The following CRMP1 variants were observed in gnomAD, a reference collection of about 807,000 sequenced individuals.
CRMP1 encodes the protein dihydropyrimidinase-related protein 1.
Under a neutral mutation model 68.3 loss-of-function variants are expected in CRMP1, and 19 were observed. The ratio of observed to expected loss-of-function variants is 0.28; its 90% confidence interval spans 0.19 to 0.41. The LOEUF is 0.41. Among genes scored for constraint, CRMP1 ranks in the 10% least tolerant of loss-of-function variants. The pLI is 1.00. For missense variants in CRMP1, 791 were observed against 967.4 expected, an observed-to-expected ratio of 0.82 and a Z score of 2.42; for synonymous variants, 439 against 399.6, an observed-to-expected ratio of 1.10 and a Z score of -1.18.
At chr4:5,852,650 T>A (rs774358030) in intron 4 of CRMP1, among the ~76,000 whole-genome samples, 1 of 152,244 alleles carries the variant, frequency 6.6e-6, no homozygotes, top group Non-Finnish European at 1.5e-5. Context: ...TGATATTGGA[T>A]GCAACTCTCT....
In CRMP1 at chr4:5,853,231, G is replaced by A. The variant is rs950925396; in HGVS notation, c.821-1762C>T. 1.3e-5 allele frequency among the ~76,000 whole-genome samples: 2 copies of A among 152,186 alleles called. No individual in the cohort carries two copies. The highest frequency in any genetic ancestry group is 6.5e-5 in the Admixed American group (1 of 15,276). Reference sequence around the variant, plus strand: ...AGTTCAGGACCAGCCTGGCCAATATGGTGATACCCCGTCTCTACTAAAAAT... The same window carrying A: ...AGTTCAGGACCAGCCTGGCCAATATAGTGATACCCCGTCTCTACTAAAAAT... On this transcript the variant is annotated intron_variant, in intron 4 of 13. Coordinates refer to ENST00000324989, the MANE Select transcript of CRMP1 (RefSeq NM_001014809.3). This position sits in a 1 kb window ranked among gnomAD's most constrained non-coding sequence, Gnocchi z 4.7.
intron 11 of CRMP1, among the ~76,000 whole-genome samples, chr4:5,832,851 A>G (rs566361735): frequency 1.3e-5 from 2 of 152,324 alleles, no homozygotes; most frequent in East Asian, 3.9e-4. Context: ...CCTAACCCCC[A>G]TTACCTCAGA....
intron 4 of CRMP1, among the ~76,000 whole-genome samples, chr4:5,852,976 G>A (rs1712776046): frequency 6.6e-6 from 1 of 152,106 alleles, no homozygotes. Flanking sequence ...GGAAACGGAG[G>A]TGCAGGGGGC....
intron 3 of CRMP1, among the ~76,000 whole-genome samples, chr4:5,856,774 CATT>C (rs968553778): frequency 1.9e-4 from 29 of 151,370 alleles, no homozygotes; most frequent in Non-Finnish European, 3.4e-4. Context: ...CTATCATCAT[CATT>C]ACCATCAGCA....
Position 5,872,515 on chromosome 4 carries a change from C to T in CRMP1, c.382-5759G>A, listed in dbSNP as rs569924656. Among the ~76,000 whole-genome samples, 1 of 152,018 alleles carries T rather than the reference C, an allele frequency of 6.6e-6. No individual in the cohort carries two copies. The highest frequency in any genetic ancestry group is 2.4e-5 in the African/African-American group (1 of 41,382). Reference sequence around the variant, plus strand: ...CAGCCTGGCCAACATGGTGAAACCCCGTCTCTACTAAAAATGCAAAAATTA... The same window carrying T: ...CAGCCTGGCCAACATGGTGAAACCCTGTCTCTACTAAAAATGCAAAAATTA... On this transcript the variant is annotated intron_variant, in intron 1 of 13. Coordinates refer to ENST00000324989, the MANE Select transcript of CRMP1 (RefSeq NM_001014809.3). This position sits in a 1 kb window ranked among gnomAD's most constrained non-coding sequence, Gnocchi z 4.6.
rs980786205 is a variant in CRMP1 at position 5,858,401 on chromosome 4, C to T, written c.656-2094G>A. Among the ~76,000 whole-genome samples the T allele has an allele frequency of 6.6e-6, 1 of 152,012 alleles. No individual in the cohort carries two copies. The highest frequency in any genetic ancestry group is 2.4e-5 in the African/African-American group (1 of 41,350). ...AGAATGTCCAAAACCTCATGCAATA[C>T]TCTCCCCACCCCGACCCCAGCTGTG... On this transcript the variant is annotated intron_variant, in intron 3 of 13. Transcript: ENST00000324989. The surrounding 1 kb of genome is among the most constrained non-coding windows in gnomAD (Gnocchi z 5.5).
rs1297019522 is a variant in CRMP1, at chr4:5,890,384, G to A, written c.381+2205C>T. Among the ~76,000 whole-genome samples, 1 of 152,192 alleles carries A rather than the reference G, an allele frequency of 6.6e-6. No homozygotes were observed. Among genetic ancestry groups the A allele is most frequent in the African/African-American group, 2.4e-5 (1 of 41,452 alleles). On this transcript the variant is annotated intron_variant, in intron 1 of 13. Transcript: ENST00000324989. This position sits in a 1 kb window ranked among gnomAD's most constrained non-coding sequence, Gnocchi z 5.5. ...CAGCGGCAATCCTTGCGCCTGCGCC[G>A]CAGAAACCCCTCCTGCAGCCCAGGG...
chr4:5,827,744 C>CACACACACACACACAT (rs1437854770), intron 12 of CRMP1, among the ~76,000 whole-genome samples: 3 of 148,072 alleles, frequency 2.0e-5, no homozygotes, highest in African/African-American at 7.8e-5. Context: ...CACACACACA[C>CACACACACACACACAT]ACACACACAC....
In CRMP1 at chr4:5,851,928, GA is replaced by G. The variant is rs1362579348; in HGVS notation, c.821-460del. Reference sequence around the variant, plus strand: ...AGGAGAAAGAGAAGGAGAAGAGGAAGAGGAGGAAGAGGAGGAGAAAGGGAGA... The same window carrying G: ...AGGAGAAAGAGAAGGAGAAGAGGAAGGGAGGAAGAGGAGGAGAAAGGGAGA... On this transcript the variant is annotated intron_variant, in intron 4 of 13. Coordinates refer to ENST00000324989, the MANE Select transcript of CRMP1 (RefSeq NM_001014809.3). Among the ~76,000 whole-genome samples the G allele has an allele frequency of 1.2e-4, 16 of 137,402 alleles. No individual in the cohort carries two copies. The Admixed American group carries it at 1.2e-3, about 10-fold the overall frequency. The allele number at this position is 137,402 out of a possible 152,430, so 90.1% of individuals were successfully genotyped here. A position where few individuals can be genotyped will look rare whatever the true frequency, so the allele number is the denominator to read the frequency against.
At chr4:5,856,534 C>A (rs1713073966) in intron 3 of CRMP1, among the ~76,000 whole-genome samples, 1 of 151,392 alleles carries the variant, frequency 6.6e-6, no homozygotes, top group African/African-American at 2.4e-5. Flanking sequence ...ATTACCATCA[C>A]CATCATCATC....
rs1165295065 is a variant in CRMP1 at position 5,872,646 on chromosome 4, C to T, written c.382-5890G>A. Among the ~76,000 whole-genome samples the T allele has an allele frequency of 6.6e-6, 1 of 152,160 alleles. No individual in the cohort carries two copies. The highest frequency in any genetic ancestry group is 1.5e-5 in the Non-Finnish European group (1 of 68,044). ...AGGTTGCAGTGAGCTGAGATCGCAC[C>T]GCTGCAGTCCAGCCTGGGCAACAGA... On this transcript the variant is annotated intron_variant, in intron 1 of 13. Coordinates refer to ENST00000324989, the MANE Select transcript of CRMP1 (RefSeq NM_001014809.3). The surrounding 1 kb of genome is among the most constrained non-coding windows in gnomAD (Gnocchi z 4.6).
Position 5,841,831 on chromosome 4 carries a change from G to T in CRMP1, c.1033-403C>A, listed in dbSNP as rs1711749488. ...TGTCCCCTGTGTCCAGCAGACACCAGGCCCAGGGCATGGGCCCAGAAGACT... is the reference window on the plus strand; with the variant it reads ...TGTCCCCTGTGTCCAGCAGACACCATGCCCAGGGCATGGGCCCAGAAGACT... On this transcript the variant is annotated intron_variant, in intron 7 of 13. Coordinates refer to ENST00000324989, the MANE Select transcript of CRMP1 (RefSeq NM_001014809.3). This position sits in a 1 kb window ranked among gnomAD's most constrained non-coding sequence, Gnocchi z 6.9. Among the ~76,000 whole-genome samples, 5 of 152,172 alleles carry T rather than the reference G, an allele frequency of 3.3e-5. No homozygotes were observed. In the South Asian group the frequency reaches 1.0e-3, roughly 31 times the overall value.
At chr4:5,856,747 C>T (rs1713095431) in intron 3 of CRMP1, among the ~76,000 whole-genome samples, 1 of 151,924 alleles carries the variant, frequency 6.6e-6, no homozygotes, top group African/African-American at 2.4e-5. Flanking sequence ...TCACTATCAT[C>T]ACCTCCACCA....
Position 5,860,626 on chromosome 4 carries a change from A to G in CRMP1, c.655+400T>C, listed in dbSNP as rs372394118. The stretch of plus-strand genomic sequence containing the variant: ...CATAGCCATCTTCACATCATGTTGA[A>G]GGATTTTTTTTTTTTTTGCTTTATC... On this transcript the variant is annotated intron_variant, in intron 3 of 13. Coordinates refer to ENST00000324989, the MANE Select transcript of CRMP1 (RefSeq NM_001014809.3). This position sits in a 1 kb window ranked among gnomAD's most constrained non-coding sequence, Gnocchi z 4.2. Among the ~76,000 whole-genome samples the G allele has an allele frequency of 3.9e-5, 4 of 103,016 alleles. No individual in the cohort carries two copies. Among genetic ancestry groups the G allele is most frequent in the Admixed American group, 1.0e-4 (1 of 9,696 alleles). 67.6% of individuals were successfully genotyped at this position (103,016 alleles called of 152,430 possible). A position where few individuals can be genotyped will look rare whatever the true frequency, so the allele number is the denominator to read the frequency against.
chr4:5,857,879 G>T (rs944368520), intron 3 of CRMP1, among the ~76,000 whole-genome samples: 1 of 151,894 alleles, frequency 6.6e-6, no homozygotes, highest in Non-Finnish European at 1.5e-5. Flanking sequence ...GATGAGAAAG[G>T]GGAGCCTGCA....
chr4:5,856,298 A>G lies in CRMP1; in HGVS notation c.665T>C (p.Val222Ala), dbSNP rs138323311. ...VGGTTMIIDH[V>A]VPEPGSSLLT... The stretch of plus-strand genomic sequence containing the variant: ...TAGGCTGGACCCAGGTTCAGGAACA[A>G]CATGGTCAACTGGGACAGAGAAATA... Residue 222 changes from valine (V) to alanine (A), a missense_variant, in exon 4 of 14, where the codon GTT becomes GCT. Val to Ala is a moderately conservative substitution (Grantham distance 64). This residue lies in a region of CRMP1 where 594 missense variants were observed against 763.6 expected (regional missense o/e 0.78). Transcript: ENST00000324989. 1 of 1,613,604 alleles carries G rather than the reference A, an allele frequency of 6.2e-7. No homozygotes were observed. The highest frequency in any genetic ancestry group is 8.5e-7 in the Non-Finnish European group (1 of 1,179,726).
intron 2 of CRMP1, among the ~76,000 whole-genome samples, chr4:5,862,206 C>T (rs1367035942): frequency 6.6e-6 from 1 of 152,206 alleles, no homozygotes; most frequent in Non-Finnish European, 1.5e-5. Flanking sequence ...ACCACCGCTG[C>T]TTTTAATAAC....
Position 5,893,018 on chromosome 4 carries a change from GC to G in CRMP1, c.-50del, listed in dbSNP as rs1490824581. On this transcript the variant is annotated 5_prime_UTR_variant, in exon 1 of 14. Transcript: ENST00000324989. Reference sequence around the variant, plus strand: ...CCGCGCTCCCGCCTGCCCGCCCGCGGCCCTGGGCACCGCCGTGCGCCGCGCT... The same window carrying G: ...CCGCGCTCCCGCCTGCCCGCCCGCGGCCTGGGCACCGCCGTGCGCCGCGCT... 5.4e-6 allele frequency: 6 copies of G among 1,112,336 alleles called. No individual in the cohort carries two copies. The African/African-American group carries it at 1.0e-4, about 19-fold the overall frequency. The allele number at this position is 1,112,336 out of a possible 1,614,324, so 68.9% of individuals were successfully genotyped here.
In CRMP1 at chr4:5,836,924, A is replaced by C; in HGVS notation, c.1311-18T>G. On this transcript the variant is annotated intron_variant, in intron 9 of 13. Transcript: ENST00000324989. The stretch of plus-strand genomic sequence containing the variant: ...AGTCCCCACTGGCAAGGACAAAACA[A>C]GGTAGAGTTCAGACCCTAGTTCATT... 6.9e-6 allele frequency: 11 copies of C among 1,600,286 alleles called. No individual in the cohort carries two copies. The highest frequency in any genetic ancestry group is 9.4e-6 in the Non-Finnish European group (11 of 1,173,002).
Sources: allele counts gnomAD v4.1 joint callset (sites outside exome capture counted in the v4.1 genomes callset), GRCh38; gene constraint gnomAD v4.1.1; regional missense constraint gnomAD v4.1.1; non-coding constraint Gnocchi (gnomAD v3.1); transcripts MANE v1.5; gene names NCBI Gene and HGNC (gene_info 2026-07-23, HGNC 2026-07-21).